Variants in FAM81A observed in about 807,000 individuals in gnomAD.
The protein encoded by FAM81A is family with sequence similarity 81 member A, also known as protein FAM81A.
FAM81A carries 19 observed loss-of-function variants against 46.7 expected under a neutral mutation model. The observed-to-expected ratio is 0.41, with a 90% confidence interval of 0.28 to 0.60. FAM81A has a LOEUF of 0.60. FAM81A is among the 20% of genes least tolerant of loss of function. The pLI, the probability that FAM81A is intolerant of heterozygous loss-of-function variation, is 0.34. For missense variants in FAM81A, 377 were observed against 453.5 expected, an observed-to-expected ratio of 0.83 and a Z score of 1.53; for synonymous variants, 183 against 152.9, an observed-to-expected ratio of 1.20 and a Z score of -1.45.
chr15:59,522,835 C>CT lies in FAM81A; in HGVS notation c.*1458dup, dbSNP rs1294381613. ...CTGTTTACCCATATAAAATATGCTG[C>CT]TAAAGTACATATTTTGCTGTCAATG... On this transcript the variant is annotated 3_prime_UTR_variant, in exon 9 of 9. Transcript: ENST00000288228. The CT allele has an allele frequency of 6.6e-6, 1 of 152,466 alleles. No individual in the cohort carries two copies. Among genetic ancestry groups the CT allele is most frequent in the African/African-American group, 2.4e-5 (1 of 41,370 alleles). 9.4% of individuals were successfully genotyped at this position (152,466 alleles called of 1,614,324 possible).
At position 59,418,388 on chromosome 15, in the gene FAM81A, T is replaced by G. The variant is rs997104595; in HGVS notation, c.-78+16030T>G. Among the ~76,000 whole-genome samples, 4 of 152,210 alleles carry G rather than the reference T, an allele frequency of 2.6e-5. No individual in the cohort carries two copies. The South Asian group carries it at 8.3e-4, about 32-fold the overall frequency. On this transcript the variant is annotated intron_variant, in intron 2 of 4. Transcript: ENST00000558348. ...CAATCAAACTCATCAGCTATAACCCTGCCTTTTCCTGTTTAGAAAACATTT... is the reference window on the plus strand; with the variant it reads ...CAATCAAACTCATCAGCTATAACCCGGCCTTTTCCTGTTTAGAAAACATTT...
chr15:59,502,659 G>T (rs1347247288), intron 4 of FAM81A, among the ~76,000 whole-genome samples: 1 of 151,796 alleles, frequency 6.6e-6, no homozygotes, highest in African/African-American at 2.4e-5. Context: ...GATTACAGGC[G>T]CCTACCACCA....
In FAM81A at chr15:59,492,273, A is replaced by G. The variant is rs1176014230; in HGVS notation, c.297A>G (p.Val99=). The part of the protein sequence containing the change: ...IVKQLNRDIE[V]LQEQIRARDN... ...TTAGTGTTTTTTATGTTGCCCAGGT[A>G]CTCCAGGAGCAGATTCGTGCCCGGG... Residue 99 remains valine, a splice_region_variant and synonymous_variant, in exon 4 of 9, where the codon GTA becomes GTG. Coordinates refer to ENST00000288228, the MANE Select transcript of FAM81A (RefSeq NM_152450.3). The G allele has an allele frequency of 6.2e-7, 1 of 1,608,912 alleles. No individual in the cohort carries two copies. Among genetic ancestry groups the G allele is most frequent in the Admixed American group, 1.7e-5 (1 of 59,694 alleles).
chr15:59,401,907 T>C, intron 1 of FAM81A: 1 of 763,134 alleles, frequency 1.3e-6, no homozygotes, highest in South Asian at 1.4e-5. Flanking sequence ...TGAACATTCA[T>C]GAGCCTCTCG....
chr15:59,475,583 A>T (rs1429717857), intron 3 of FAM81A, among the ~76,000 whole-genome samples: 1 of 152,206 alleles, frequency 6.6e-6, no homozygotes, highest in Non-Finnish European at 1.5e-5. Context: ...GCACTCTTTT[A>T]TATTTACATG....
chr15:59,514,501 T>C, intron 7 of FAM81A, 77 bp downstream of exon 7: 3 of 1,480,454 alleles, frequency 2.0e-6, no homozygotes, highest in Non-Finnish European at 2.7e-6. Flanking sequence ...TAATACCTAG[T>C]AATTTATCAC....
Position 59,509,043 on chromosome 15 carries a change from C to G in FAM81A, c.650+74C>G, listed in dbSNP as rs72749173. 5.3e-3 allele frequency: 6,274 copies of G among 1,178,120 alleles called. 22 individuals are homozygous for G. The highest frequency in any genetic ancestry group is 0.015 in the Admixed American group (559 of 37,116). The allele number at this position is 1,178,120 out of a possible 1,614,324, so 73.0% of individuals were successfully genotyped here. ...TTTATGCAATACTATGATTTTTTTC[C>G]TCTTGGTTTTTATTTATTGCACAAA... is the stretch of plus-strand genomic sequence containing the variant. On this transcript the variant is annotated intron_variant, in intron 6 of 8. Coordinates refer to ENST00000288228, the MANE Select transcript of FAM81A (RefSeq NM_152450.3).
intron 1 of FAM81A, among the ~76,000 whole-genome samples, chr15:59,450,972 C>T (rs1179879029): frequency 6.6e-6 from 1 of 152,198 alleles, no homozygotes; most frequent in East Asian, 1.9e-4. Context: ...CCCACCCACA[C>T]TCAAAGGGAG....
At chr15:59,485,995 A>G (rs1168078252) in intron 3 of FAM81A, among the ~76,000 whole-genome samples, 3 of 152,318 alleles carry the variant, frequency 2.0e-5, no homozygotes, top group Middle Eastern at 3.4e-3. Context: ...CCTGGCCAAC[A>G]TGATGAAACC....
At chr15:59,487,961 C>CA (rs1225920453) in intron 3 of FAM81A, among the ~76,000 whole-genome samples, 11 of 151,664 alleles carry the variant, frequency 7.3e-5, no homozygotes, top group African/African-American at 2.7e-4. Flanking sequence ...AAAACAACAA[C>CA]AAAAAAACAA....
chr15:59,435,774 T>C (rs1466972144), upstream of FAM81A, among the ~76,000 whole-genome samples: 2 of 152,250 alleles, frequency 1.3e-5, no homozygotes, highest in African/African-American at 2.4e-5. Flanking sequence ...CCTTGCAGCA[T>C]AAAATAATTT....
chr15:59,446,182 G>A (rs762538603), intron 1 of FAM81A, among the ~76,000 whole-genome samples: 5 of 152,080 alleles, frequency 3.3e-5, no homozygotes, highest in South Asian at 2.1e-4. Flanking sequence ...GCTGCCCTAC[G>A]GCAGCTCAGC....
exon 2 of FAM81A, chr15:59,402,281 G>T: frequency 6.4e-6 from 1 of 157,108 alleles, no homozygotes; most frequent in Non-Finnish European, 1.4e-5. Flanking sequence ...TGCAGATCCA[G>T]AACATTTCTG....
At chr15:59,433,224 G>A (rs535821397), upstream of FAM81A, among the ~76,000 whole-genome samples, 3 of 58,082 alleles carry the variant, frequency 5.2e-5, no homozygotes, top group South Asian at 1.4e-3. Context: ...TTGGGAGGCC[G>A]AGGTGGATGG....
upstream of FAM81A, chr15:59,438,151 C>T (rs1435653626): frequency 6.8e-6 from 1 of 146,170 alleles, no homozygotes; most frequent in East Asian, 2.0e-4. Flanking sequence ...GGCAGGCGCG[C>T]GCTGATTGGA....
At chr15:59,502,105 T>G (rs1375206331) in intron 4 of FAM81A, among the ~76,000 whole-genome samples, 1 of 151,782 alleles carries the variant, frequency 6.6e-6, no homozygotes, top group Non-Finnish European at 1.5e-5. Flanking sequence ...ATGCATGTAA[T>G]TTTTTTCTGA....
chr15:59,408,860 A>G (rs1222196563), intron 2 of FAM81A: 2 of 152,098 alleles, frequency 1.3e-5, no homozygotes, highest in African/African-American at 4.8e-5. Flanking sequence ...ATAAAATACA[A>G]AGAACAAAAT....
chr15:59,489,266 A>AATACATAC (rs61067164), intron 3 of FAM81A, among the ~76,000 whole-genome samples: 105 of 144,266 alleles, frequency 7.3e-4, no homozygotes, highest in South Asian at 3.3e-3. Context: ...CTCCATCTCA[A>AATACATAC]ATACATACAT....
At chr15:59,517,118 C>A (rs2082275924) in intron 8 of FAM81A, among the ~76,000 whole-genome samples, 1 of 152,146 alleles carries the variant, frequency 6.6e-6, no homozygotes, top group South Asian at 2.1e-4. Flanking sequence ...TCGGCCAATT[C>A]TTTTCTGTTC....
Sources: gnomAD v4.1 joint callset for allele counts (sites outside exome capture counted in the v4.1 genomes callset) on GRCh38, gnomAD v4.1.1 for gene constraint, MANE v1.5 for transcripts, NCBI Gene and HGNC (gene_info 2026-07-23, HGNC 2026-07-21) for gene names.